The following IP6K1 variants were observed in gnomAD, a reference collection of about 807,000 sequenced individuals.
The protein encoded by IP6K1 is ATP:1D-myo-inositol-hexakisphosphate phosphotransferase.
In IP6K1, 13 loss-of-function variants were observed where a neutral mutation model predicts 38.3. That is an observed-to-expected ratio of 0.34 (90% CI 0.22 to 0.54). The LOEUF (loss-of-function observed/expected upper bound fraction) is 0.54. Ranked by LOEUF, IP6K1 falls within the 20% of genes least tolerant of loss-of-function variation. The probability of loss-of-function intolerance (pLI) is 0.92; values close to 1 mark genes in which losing one functional copy is unlikely to be tolerated. For missense variants in IP6K1, 397 were observed against 599.8 expected, an observed-to-expected ratio of 0.66 and a Z score of 3.53; for synonymous variants, 212 against 229.9, an observed-to-expected ratio of 0.92 and a Z score of 0.70.
At chr3:49,772,253 G>A (rs2080966608) in intron 1 of IP6K1, among the ~76,000 whole-genome samples, 1 of 146,598 alleles carries the variant, frequency 6.8e-6, no homozygotes, top group Non-Finnish European at 1.5e-5. Flanking sequence ...GTGTGTGTGT[G>A]TGTAACACAT....
intron 1 of IP6K1, among the ~76,000 whole-genome samples, chr3:49,767,615 A>G (rs1034131489): frequency 5.9e-5 from 9 of 152,036 alleles, no homozygotes; most frequent in African/African-American, 2.2e-4. Context: ...ACTTAAAAAA[A>G]TAAAATTAGT....
At chr3:49,773,910 G>GAGGC (rs1559715276) in intron 1 of IP6K1, among the ~76,000 whole-genome samples, 1 of 151,898 alleles carries the variant, frequency 6.6e-6, no homozygotes, top group Non-Finnish European at 1.5e-5. Context: ...ATGGGAGGCT[G>GAGGC]AGGCAGCAGG....
rs1176363057 is a variant in IP6K1, at chr3:49,727,231, T to C, written c.1217A>G (p.Lys406Arg). ...CACGGTGGGGTCATCCCGGAAGCCC[T>C]TGAATGTGCTGTGTGCAAAGTCAAT... Reference protein sequence around the residue: ...RMIDFAHSTFKGFRDDPTVHD... With the variant: ...RMIDFAHSTFRGFRDDPTVHD... The change falls in exon 6 of 6, where the codon AAG (lysine) becomes AGG (arginine). Residue 406 changes from lysine (K) to arginine (R), a missense_variant. By Grantham distance (26) the Lys-to-Arg change is conservative. Transcript: ENST00000321599. The surrounding 1 kb of genome is among the most constrained non-coding windows in gnomAD (Gnocchi z 5.9). 1.2e-6 allele frequency: 2 copies of C among 1,614,132 alleles called. No individual in the cohort carries two copies. The highest frequency in any genetic ancestry group is 1.1e-5 in the South Asian group (1 of 91,086).
Position 49,742,781 on chromosome 3 carries a change from C to T in IP6K1, c.224-4359G>A, listed in dbSNP as rs568653857. Among the ~76,000 whole-genome samples, 303 of 152,002 alleles carry T rather than the reference C, an allele frequency of 2.0e-3. 3 individuals carry two copies. Among genetic ancestry groups the T allele is most frequent in the African/African-American group, 6.9e-3 (288 of 41,448 alleles). On this transcript the variant is annotated intron_variant, in intron 2 of 5. Transcript: ENST00000321599. ...CGGTGCACACCTGTGGTCCCAGCTA[C>T]TCCAGAGGCTGAGGTGGGAGAATCA...
chr3:49,768,755 G>A (rs1443621758), intron 1 of IP6K1, among the ~76,000 whole-genome samples: 1 of 152,090 alleles, frequency 6.6e-6, no homozygotes, highest in South Asian at 2.1e-4. Flanking sequence ...CGGTGACAGA[G>A]TGAGACTGAG....
chr3:49,733,155 C>T (rs2080578930), intron 3 of IP6K1, among the ~76,000 whole-genome samples, 183 bp from the exon 4 acceptor site: 1 of 152,116 alleles, frequency 6.6e-6, no homozygotes, highest in African/African-American at 2.4e-5. Context: ...TCCTGTGTCT[C>T]TTAAAACTAT....
chr3:49,768,702 G>A (rs915129279), intron 1 of IP6K1, among the ~76,000 whole-genome samples: 11 of 152,086 alleles, frequency 7.2e-5, no homozygotes, highest in South Asian at 2.1e-4. Flanking sequence ...CCTGGGAGGC[G>A]GAGGCTGCAG....
intron 1 of IP6K1, among the ~76,000 whole-genome samples, chr3:49,770,244 G>C (rs576119204): frequency 6.6e-6 from 1 of 152,192 alleles, no homozygotes; most frequent in African/African-American, 2.4e-5. Context: ...GCTAAGTTTT[G>C]GAATAATTTG....
In IP6K1 at chr3:49,774,647, G is replaced by A. The variant is rs2080991078; in HGVS notation, c.-129+11707C>T. 2.0e-5 allele frequency among the ~76,000 whole-genome samples: 3 copies of A among 152,050 alleles called. No individual in the cohort carries two copies. The South Asian group carries it at 6.2e-4, about 32-fold the overall frequency. On this transcript the variant is annotated intron_variant, in intron 1 of 5. Coordinates refer to ENST00000321599, the MANE Select transcript of IP6K1 (RefSeq NM_153273.4). ...GTGGAAATGACTTTTAATGGGAGAG[G>A]GAATTTAAGGGATGAATACTTATCA...
At chr3:49,775,334 T>G (rs371736313) in intron 1 of IP6K1, 3 of 301,662 alleles carry the variant, frequency 9.9e-6, no homozygotes, top group East Asian at 7.6e-5. Flanking sequence ...CCAGCTGGTG[T>G]TGTCATTGGA....
At chr3:49,777,034 A>G (rs1337339732) in intron 1 of IP6K1, among the ~76,000 whole-genome samples, 3 of 152,204 alleles carry the variant, frequency 2.0e-5, no homozygotes, top group African/African-American at 7.2e-5. Context: ...CAGGAGTTCG[A>G]GACAAGCCTG....
In IP6K1 at chr3:49,727,311, G is replaced by A; in HGVS notation, c.1137C>T (p.Ser379=). Reference sequence around the variant, plus strand: ...AGGGACCCGCCTCGGGGCTGGTGTTGCTGGGGCTGGTGCTGGGGCCACAGG... The same window carrying A: ...AGGGACCCGCCTCGGGGCTGGTGTTACTGGGGCTGGTGCTGGGGCCACAGG... The part of the protein sequence containing the change: ...ASSCGPSTSP[S]NTSPEAGPSS... Residue 379 remains serine (S), a synonymous_variant, in exon 6 of 6, where the codon AGC becomes AGT. Transcript: ENST00000321599. This position sits in a 1 kb window ranked among gnomAD's most constrained non-coding sequence, Gnocchi z 5.9. The A allele has an allele frequency of 6.2e-7, 1 of 1,614,154 alleles. No homozygotes were observed. The highest frequency in any genetic ancestry group is 8.5e-7 in the Non-Finnish European group (1 of 1,180,022).
At position 49,725,734 on chromosome 3, in the gene IP6K1, T is replaced by C. The variant is rs908372752; in HGVS notation, c.*1388A>G. On this transcript the variant is annotated 3_prime_UTR_variant, in exon 6 of 6. Transcript: ENST00000321599. ...TGCCATTAAGGGCTGGCAGCCAAAA[T>C]GACTAAAACCATGAGAAAGGAAGGG... 1 of 151,914 alleles carries C rather than the reference T, an allele frequency of 6.6e-6. No individual in the cohort carries two copies. Among genetic ancestry groups the C allele is most frequent in the Non-Finnish European group, 1.5e-5 (1 of 67,916 alleles). 9.4% of individuals were successfully genotyped at this position (151,914 alleles called of 1,614,324 possible).
At chr3:49,770,916 C>T (rs1042754344) in intron 1 of IP6K1, among the ~76,000 whole-genome samples, 2 of 151,882 alleles carry the variant, frequency 1.3e-5, no homozygotes, top group Non-Finnish European at 2.9e-5. Context: ...TCAGGATCAG[C>T]CTGGGCAAAT....
At chr3:49,783,986 C>A (rs1384063503) in intron 1 of IP6K1, among the ~76,000 whole-genome samples, 2 of 151,822 alleles carry the variant, frequency 1.3e-5, no homozygotes, top group Non-Finnish European at 2.9e-5. Flanking sequence ...GAGCTGGTTT[C>A]TTTCAAAATT....
chr3:49,743,809 A>G (rs920516500), intron 2 of IP6K1, among the ~76,000 whole-genome samples: 5 of 151,686 alleles, frequency 3.3e-5, no homozygotes, highest in Admixed American at 3.3e-4. Context: ...TAGTAGAGAC[A>G]GGGTTTCACC....
At chr3:49,779,941 A>G (rs917965596) in intron 1 of IP6K1, among the ~76,000 whole-genome samples, 1 of 151,990 alleles carries the variant, frequency 6.6e-6, no homozygotes, top group Non-Finnish European at 1.5e-5. Flanking sequence ...GCCTGCTTCA[A>G]CCTCCAAAAG....
chr3:49,772,141 GGTTCAAGGTGGCAGTGAGCTATAAT>G (rs1559714690), intron 1 of IP6K1, among the ~76,000 whole-genome samples: 1 of 151,050 alleles, frequency 6.6e-6, no homozygotes, highest in East Asian at 1.9e-4. Flanking sequence ...GCCCAAGGTG[GGTTCAAGGTGGCAGTGAGCTATAAT>G]TGCACCACTG....
chr3:49,752,525 A>G (rs886281525), intron 1 of IP6K1, among the ~76,000 whole-genome samples: 32 of 146,208 alleles, frequency 2.2e-4, no homozygotes, highest in East Asian at 1.0e-3. Flanking sequence ...TCACTTTTGC[A>G]TGTGTGTGTG....
Sources: allele counts gnomAD v4.1 joint callset (sites outside exome capture counted in the v4.1 genomes callset), GRCh38; gene constraint gnomAD v4.1.1; non-coding constraint Gnocchi (gnomAD v3.1); transcripts MANE v1.5; gene names NCBI Gene and HGNC (gene_info 2026-07-23, HGNC 2026-07-21).